The following ADAMTSL1 variants were observed in gnomAD, a reference collection of about 807,000 sequenced individuals.
The protein encoded by ADAMTSL1 is ADAMTS-like protein 1.
ADAMTSL1 carries 126 observed loss-of-function variants against 201.8 expected under a neutral mutation model. The observed-to-expected ratio is 0.62, with a 90% CI of 0.54 to 0.72. ADAMTSL1 has a LOEUF of 0.72. Among genes scored for constraint, ADAMTSL1 ranks in the 30% least tolerant of loss-of-function variants. The pLI, the probability that ADAMTSL1 is intolerant of heterozygous loss-of-function variation, is 0.00. For missense variants in ADAMTSL1, 2,679 were observed against 2,277.8 expected (o/e 1.18, Z -3.59); for synonymous variants, 1,121 against 903.4 (o/e 1.24, Z -4.32).
intron 2 of ADAMTSL1, among the ~76,000 whole-genome samples, chr9:18,267,516 C>T (rs1019229522): frequency 5.9e-5 from 9 of 152,076 alleles, no homozygotes; most frequent in African/African-American, 2.2e-4. Context: ...TACCATGCTT[C>T]AGCGCATGGC....
intron 2 of ADAMTSL1, among the ~76,000 whole-genome samples, chr9:18,400,637 T>C (rs916406352): frequency 1.3e-5 from 2 of 152,216 alleles, no homozygotes; most frequent in African/African-American, 4.8e-5. Flanking sequence ...CATTTTGACT[T>C]GGTGTCAATG....
chr9:18,007,790 TA>T (rs528722101), intron 1 of ADAMTSL1, among the ~76,000 whole-genome samples: 58 of 150,478 alleles, frequency 3.9e-4, no homozygotes, highest in African/African-American at 1.1e-3. Context: ...CCAAAAGAAT[TA>T]AAAAAAAAAT....
At chr9:18,497,268 T>G (rs1040612879) in intron 1 of ADAMTSL1, among the ~76,000 whole-genome samples, 1 of 152,136 alleles carries the variant, frequency 6.6e-6, no homozygotes, top group East Asian at 1.9e-4. Flanking sequence ...TTCAAAAACA[T>G]GAAATAAATG....
At chr9:18,152,510 A>G (rs1173334923) in intron 1 of ADAMTSL1, among the ~76,000 whole-genome samples, 2 of 152,060 alleles carry the variant, frequency 1.3e-5, no homozygotes, top group Non-Finnish European at 2.9e-5. Flanking sequence ...AAAGATGCCC[A>G]TTGACAGAGT....
At chr9:18,717,839 A>T (rs1021531443) in intron 14 of ADAMTSL1, 2 of 687,954 alleles carry the variant, frequency 2.9e-6, no homozygotes, top group African/African-American at 1.8e-5. Flanking sequence ...TAGCTTTCAT[A>T]TGCTCTTAAA....
At chr9:18,645,679 G>T (rs914478914) in intron 7 of ADAMTSL1, among the ~76,000 whole-genome samples, 20 of 150,226 alleles carry the variant, frequency 1.3e-4, no homozygotes, top group African/African-American at 4.2e-4. Context: ...TCTCAGGTTT[G>T]TCAAAGATCA....
chr9:18,065,878 G>C (rs1393444974), intron 1 of ADAMTSL1, among the ~76,000 whole-genome samples: 1 of 151,048 alleles, frequency 6.6e-6, no homozygotes, highest in Non-Finnish European at 1.5e-5. Context: ...CTATTCAGGA[G>C]GCTGAGGCAG....
intron 15 of ADAMTSL1, among the ~76,000 whole-genome samples, chr9:18,736,873 A>G (rs916420003): frequency 3.3e-5 from 5 of 152,182 alleles, no homozygotes; most frequent in Non-Finnish European, 7.3e-5. Context: ...CCATTTCCAT[A>G]ACTGTGTAAT....
chr9:18,287,600 T>A (rs1018438256), intron 2 of ADAMTSL1, among the ~76,000 whole-genome samples: 1 of 134,198 alleles, frequency 7.5e-6, no homozygotes, highest in Non-Finnish European at 1.6e-5. Flanking sequence ...TATACACACA[T>A]ATATGCATAT....
intron 22 of ADAMTSL1, among the ~76,000 whole-genome samples, chr9:18,828,810 AT>A (rs1442884237): frequency 3.7e-4 from 56 of 151,182 alleles, no homozygotes; most frequent in East Asian, 2.9e-3. Flanking sequence ...GACTGAAGGT[AT>A]GTTTTTCAAG....
intron 2 of ADAMTSL1, among the ~76,000 whole-genome samples, chr9:18,439,698 A>G (rs1396758707): frequency 6.6e-6 from 1 of 152,158 alleles, no homozygotes; most frequent in Non-Finnish European, 1.5e-5. Context: ...AAGACTTAAA[A>G]TTGTATTTTG....
chr9:18,502,952 A>G (rs1408840594), intron 1 of ADAMTSL1, among the ~76,000 whole-genome samples: 2 of 152,080 alleles, frequency 1.3e-5, no homozygotes, highest in East Asian at 3.8e-4. Context: ...ATAGCAACAA[A>G]TGCTTATACA....
intron 2 of ADAMTSL1, among the ~76,000 whole-genome samples, chr9:18,187,119 C>T (rs1258653967): frequency 6.6e-6 from 1 of 152,136 alleles, no homozygotes. Flanking sequence ...CAGTAAGTAA[C>T]TCACATTTGG....
chr9:18,895,390 T>C (rs1192708244), intron 26 of ADAMTSL1, among the ~76,000 whole-genome samples: 1 of 152,088 alleles, frequency 6.6e-6, no homozygotes, highest in Non-Finnish European at 1.5e-5. Flanking sequence ...TTTAAGATGA[T>C]AGGAAATTTC....
intron 1 of ADAMTSL1, among the ~76,000 whole-genome samples, chr9:18,002,100 A>G (rs796889146): frequency 3.9e-5 from 6 of 152,050 alleles, no homozygotes; most frequent in African/African-American, 1.4e-4. Context: ...CAGGGGAAGA[A>G]TGATACCTAA....
Position 18,172,011 on chromosome 9 carries a change from A to T in ADAMTSL1, c.207+8030A>T, listed in dbSNP as rs577230284. 2.0e-5 allele frequency among the ~76,000 whole-genome samples: 3 copies of T among 151,766 alleles called. No individual in the cohort carries two copies. The East Asian group carries it at 5.9e-4, about 30-fold the overall frequency. ...TGTAGATGTGGAAACCATCATTCAC[A>T]CCTAACTAACACAAGAACAGAAAAC... On this transcript the variant is annotated intron_variant, in intron 2 of 29. Transcript: ENST00000680146.
intron 17 of ADAMTSL1, among the ~76,000 whole-genome samples, chr9:18,773,273 T>C (rs1180514036): frequency 4.6e-5 from 7 of 152,212 alleles, no homozygotes; most frequent in Admixed American, 4.6e-4. Context: ...ACAGATTCTA[T>C]TCTGGAAGTA....
rs544073094 is a variant in ADAMTSL1 at position 18,754,543 on chromosome 9, TAGTCATC to T, written c.2217+1039_2217+1045del. ...GTCCCAATTTGGGTGATAAAGGATA[TAGTCATC>T]AGTGGAAAAGGAGAGAGGACGACAG... On this transcript the variant is annotated intron_variant, in intron 16 of 28. Coordinates refer to ENST00000380548, the MANE Select transcript of ADAMTSL1 (RefSeq NM_001040272.6). Among the ~76,000 whole-genome samples, 8 of 152,290 alleles carry T rather than the reference TAGTCATC, an allele frequency of 5.3e-5. No individual in the cohort carries two copies. The South Asian group carries it at 1.7e-3, about 32-fold the overall frequency.
At chr9:18,079,967 A>G (rs1823417570) in intron 1 of ADAMTSL1, among the ~76,000 whole-genome samples, 1 of 152,108 alleles carries the variant, frequency 6.6e-6, no homozygotes, top group Admixed American at 6.5e-5. Context: ...CTGTTGAAGA[A>G]TTGTGGGAGT....
Sources: allele counts gnomAD v4.1 joint callset (sites outside exome capture counted in the v4.1 genomes callset), GRCh38; gene constraint gnomAD v4.1.1; transcripts MANE v1.5; gene names NCBI Gene and HGNC (gene_info 2026-07-23, HGNC 2026-07-21).